The following CHI3L1 variants were observed in gnomAD, a reference collection of about 807,000 sequenced individuals.
CHI3L1 encodes chitinase 3 like 1.
A neutral mutation model predicts 40.7 loss-of-function variants in CHI3L1; 30 were observed. That is an observed-to-expected ratio of 0.74 (90% CI 0.55 to 1.00). The LOEUF is 1.00. Ranked by LOEUF, CHI3L1 falls within the 50% of genes least tolerant of loss-of-function variation. The probability of loss-of-function intolerance (pLI) is 0.00; values close to 1 mark genes in which losing one functional copy is unlikely to be tolerated. For synonymous variants in CHI3L1, 210 were observed against 192.1 expected, an observed-to-expected ratio of 1.09 and a Z score of -0.77; for missense variants, 493 against 492.2, an observed-to-expected ratio of 1.00 and a Z score of -0.01.
chr1:203,179,822 G>C lies in CHI3L1; in HGVS notation c.950C>G (p.Pro317Arg), dbSNP rs778661215. The change falls in exon 9 of 10, where the codon CCC (proline) becomes CGC (arginine). Residue 317 changes from proline to arginine, a missense_variant. Coordinates refer to ENST00000255409, the MANE Select transcript of CHI3L1 (RefSeq NM_001276.4). ...CCACTGGTTGCCCTTGGTGGCATAG[G>C]GGACCTGCTGGCCGAGGATTCTATG... Reference protein sequence around the residue: ...TVHRILGQQVPYATKGNQWVG... With the variant: ...TVHRILGQQVRYATKGNQWVG... 2.2e-5 allele frequency: 35 copies of C among 1,614,054 alleles called. No homozygotes were observed. The East Asian group carries it at 4.5e-4, about 21-fold the overall frequency.
intron 8 of CHI3L1, 129 bp from the exon 9 acceptor site, chr1:203,180,006 T>TGCAGGCTGC: frequency 1.2e-6 from 1 of 809,964 alleles, no homozygotes. Flanking sequence ...CTGCAGGGTC[T>TGCAGGCTGC]GCAGGCTGCA....
At chr1:203,183,538 T>G (rs1367851364) in intron 5 of CHI3L1, 103 bp downstream of exon 5, 1 of 1,262,896 alleles carries the variant, frequency 7.9e-7, no homozygotes, top group African/African-American at 1.5e-5. Flanking sequence ...CTGAAGTCCC[T>G]CTTTACCTGT....
chr1:203,186,376 A>G lies in CHI3L1; in HGVS notation c.26-31T>C, dbSNP rs778633523. On this transcript the variant is annotated intron_variant, in intron 1 of 9. Coordinates refer to ENST00000255409, the MANE Select transcript of CHI3L1 (RefSeq NM_001276.4). ...GAGAAATCCAGGATGAGACCCCTGC[A>G]AGTGCATCCTGCCCTTCCGCCCTGC... The G allele has an allele frequency of 2.5e-5, 39 of 1,581,288 alleles. No homozygotes were observed. The South Asian group carries it at 4.3e-4, about 17-fold the overall frequency.
chr1:203,183,834 G>T, intron 4 of CHI3L1, 43 bp from the exon 5 acceptor site: 10 of 1,610,506 alleles, frequency 6.2e-6, no homozygotes, highest in Non-Finnish European at 8.5e-6. Flanking sequence ...GCACTGATAT[G>T]CTAGGTGCCT....
intron 3 of CHI3L1, among the ~76,000 whole-genome samples, 181 bp downstream of exon 3, chr1:203,185,003 T>C (rs917005000): frequency 1.3e-5 from 2 of 152,100 alleles, no homozygotes; most frequent in Non-Finnish European, 2.9e-5. Context: ...CTACAGTCTC[T>C]CATCACCCCA....
At chr1:203,184,673 A>G (rs367829054) in intron 3 of CHI3L1, 41 bp from the exon 4 acceptor site, 34 of 1,564,816 alleles carry the variant, frequency 2.2e-5, no homozygotes, top group Non-Finnish European at 2.8e-5. Context: ...GAGTGGAATG[A>G]CATTGTCATG....
chr1:203,182,869 C>T lies in CHI3L1; in HGVS notation c.466-17G>A. The T allele has an allele frequency of 6.2e-7, 1 of 1,613,566 alleles. No homozygotes were observed. Among genetic ancestry groups the T allele is most frequent in the African/African-American group, 1.3e-5 (1 of 74,986 alleles). On this transcript the variant is annotated splice_polypyrimidine_tract_variant and intron_variant, in intron 5 of 9. Coordinates refer to ENST00000255409, the MANE Select transcript of CHI3L1 (RefSeq NM_001276.4). Reference sequence around the variant, plus strand: ...CTTCATTTCCTAGATGGGAGACAGGCAGGTGAGAGAAAGGGTCCCAAGTGG... The same window carrying T: ...CTTCATTTCCTAGATGGGAGACAGGTAGGTGAGAGAAAGGGTCCCAAGTGG...
rs1351545044 is a variant in CHI3L1 at position 203,179,236 on chromosome 1, C to T, written c.*209G>A. On this transcript the variant is annotated 3_prime_UTR_variant, in exon 10 of 10. Transcript: ENST00000255409. ...TAATCCCGAGTCTTACATTGCGATG[C>T]CTCACTATCCCCACAGCCCCATCCC... 1 of 456,272 alleles carries T rather than the reference C, an allele frequency of 2.2e-6. No individual in the cohort carries two copies. Among genetic ancestry groups the T allele is most frequent in the Non-Finnish European group, 3.9e-6 (1 of 258,462 alleles). 28.3% of individuals were successfully genotyped at this position (456,272 alleles called of 1,614,324 possible).
Position 203,184,645 on chromosome 1 carries a change from G to C in CHI3L1, c.258-13C>G. 6.2e-7 allele frequency: 1 copy of C among 1,611,786 alleles called. No individual in the cohort carries two copies. The highest frequency in any genetic ancestry group is 8.5e-7 in the Non-Finnish European group (1 of 1,177,854). ...CAGGTTGGGGTTCCTGTGGAGCACAGGGAGGTGGGGAGGGCAGGAGTGGAA... is the reference window on the plus strand; with the variant it reads ...CAGGTTGGGGTTCCTGTGGAGCACACGGAGGTGGGGAGGGCAGGAGTGGAA... On this transcript the variant is annotated splice_polypyrimidine_tract_variant and intron_variant, in intron 3 of 9. Transcript: ENST00000255409.
intron 6 of CHI3L1, 45 bp downstream of exon 6, chr1:203,182,686 T>C: frequency 1.2e-6 from 2 of 1,611,076 alleles, no homozygotes; most frequent in Non-Finnish European, 1.7e-6. Context: ...GAAACAGGAG[T>C]GTTGGCAGAG....
In CHI3L1 at chr1:203,185,378, T is replaced by C; in HGVS notation, c.63A>G (p.Ala21=). Residue 21 remains alanine, a synonymous_variant, in exon 3 of 10, where the codon GCA becomes GCG. Transcript: ENST00000255409. The part of the protein sequence containing the change: ...VVLVLLQCCS[A]YKLVCYYTSW... ...TGGTGTAGTAGCAGACCAGTTTGTA[T>C]GCAGAGCCTGAAGGAGAAGTCTGGG... 6.2e-7 allele frequency: 1 copy of C among 1,613,958 alleles called. No homozygotes were observed. Among genetic ancestry groups the C allele is most frequent in the Non-Finnish European group, 8.5e-7 (1 of 1,180,016 alleles).
At chr1:203,183,611 C>T (rs367907524) in intron 5 of CHI3L1, 30 bp downstream of exon 5, 3 of 1,612,102 alleles carry the variant, frequency 1.9e-6, no homozygotes, top group African/African-American at 2.7e-5. Flanking sequence ...GCCTGCCCAC[C>T]TCCCTCCCTG....
chr1:203,183,375 A>G (rs1465224522), intron 5 of CHI3L1, among the ~76,000 whole-genome samples: 2 of 152,098 alleles, frequency 1.3e-5, no homozygotes, highest in African/African-American at 4.8e-5. Context: ...GCAATGGGCA[A>G]TGCACTAAGT....
rs766452428 is a variant in CHI3L1, at chr1:203,181,234, A to C, written c.639T>G (p.Arg213=). ...IMTYDFHGAW[R]GTTGHHSPLF... ...GGGGACTGTGATGGCCTGTGGTCCCACGCCAGGCTCCATGAAAATCGTAGG... is the reference window on the plus strand; with the variant it reads ...GGGGACTGTGATGGCCTGTGGTCCCCCGCCAGGCTCCATGAAAATCGTAGG... The change falls in exon 7 of 10, where the codon CGT becomes CGG. Residue 213 remains arginine (R), a synonymous_variant. Transcript: ENST00000255409. 5.7e-5 allele frequency: 92 copies of C among 1,614,020 alleles called. No individual in the cohort carries two copies. Among genetic ancestry groups the C allele is most frequent in the Non-Finnish European group, 6.3e-5 (74 of 1,179,992 alleles).
rs750929926 is a variant in CHI3L1, at chr1:203,180,501, G to C, written c.863C>G (p.Thr288Ser). Reference protein sequence around the residue: ...ISGPGIPGRFTKEAGTLAYYE... With the variant: ...ISGPGIPGRFSKEAGTLAYYE... ...GTAGGCAAGGGTCCCTGCCTCCTTG[G>C]TGAACCGGCCTGGAATTCCCGGTCC... Residue 288 changes from threonine to serine, a missense_variant, in exon 8 of 10, where the codon ACC becomes AGC. Thr to Ser is a moderately conservative substitution (Grantham distance 58). Transcript: ENST00000255409. 1.2e-6 allele frequency: 2 copies of C among 1,602,294 alleles called. No individual in the cohort carries two copies. Among genetic ancestry groups the C allele is most frequent in the Admixed American group, 3.5e-5 (2 of 57,048 alleles).
Position 203,185,640 on chromosome 1 carries a change from C to T in CHI3L1, c.56-255G>A, listed in dbSNP as rs1215846548. On this transcript the variant is annotated intron_variant, in intron 2 of 9. Transcript: ENST00000255409. Reference sequence around the variant, plus strand: ...TCCAATGCAGGGGATGAATACGCTACAGGCACTGTGTGGGGGAAGGGTAGG... The same window carrying T: ...TCCAATGCAGGGGATGAATACGCTATAGGCACTGTGTGGGGGAAGGGTAGG... 2.0e-5 allele frequency among the ~76,000 whole-genome samples: 3 copies of T among 152,206 alleles called. No individual in the cohort carries two copies. In the East Asian group the frequency reaches 5.8e-4, roughly 29 times the overall value.
Position 203,179,784 on chromosome 1 carries a change from C to A in CHI3L1, c.988G>T (p.Asp330Tyr). 1 of 1,614,198 alleles carries A rather than the reference C, an allele frequency of 6.2e-7. No homozygotes were observed. The highest frequency in any genetic ancestry group is 1.1e-5 in the South Asian group (1 of 91,070). Reference protein sequence around the residue: ...TKGNQWVGYDDQESVKSKVQY... With the variant: ...TKGNQWVGYDYQESVKSKVQY... ...ACCTTGCTTTTGACGCTTTCCTGGTCGTCGTATCCTACCCACTGGTTGCCC... is the reference window on the plus strand; with the variant it reads ...ACCTTGCTTTTGACGCTTTCCTGGTAGTCGTATCCTACCCACTGGTTGCCC... Residue 330 changes from aspartate to tyrosine, a missense_variant, in exon 9 of 10, where the codon GAC (aspartate) becomes TAC (tyrosine). Coordinates refer to ENST00000255409, the MANE Select transcript of CHI3L1 (RefSeq NM_001276.4).
At chr1:203,181,352 GT>G (rs1655933545) in intron 6 of CHI3L1, 67 bp from the exon 7 acceptor site, 1 of 1,560,124 alleles carries the variant, frequency 6.4e-7, no homozygotes, top group Non-Finnish European at 8.7e-7. Flanking sequence ...GCCGGGCGTG[GT>G]GGCTCATACC....
At chr1:203,181,519 G>A (rs759185863) in intron 6 of CHI3L1, 3 of 359,050 alleles carry the variant, frequency 8.4e-6, no homozygotes, top group Non-Finnish European at 1.6e-5. Flanking sequence ...TACTCGGGAG[G>A]CTGAGGCAGG....
Sources: gnomAD v4.1 joint callset for allele counts (sites outside exome capture counted in the v4.1 genomes callset) on GRCh38, gnomAD v4.1.1 for gene constraint, MANE v1.5 for transcripts, NCBI Gene and HGNC (gene_info 2026-07-23, HGNC 2026-07-21) for gene names.